ACER3: variants seen among roughly 807,000 people sequenced by gnomAD.
The protein encoded by ACER3 is alkCDase 3.
ACER3 carries 16 observed loss-of-function variants against 48.9 expected under a neutral mutation model. The ratio of observed to expected loss-of-function variants is 0.33; its 90% CI spans 0.22 to 0.50. The LOEUF is 0.50. Among genes scored for constraint, ACER3 ranks in the 20% least tolerant of loss-of-function variants. The probability of loss-of-function intolerance (pLI) is 0.98; values close to 1 mark genes in which losing one functional copy is unlikely to be tolerated. For missense variants in ACER3, 227 were observed against 326.0 expected (o/e 0.70, Z 2.34); for synonymous variants, 109 against 107.8 (o/e 1.01, Z -0.07).
intron 3 of ACER3, among the ~76,000 whole-genome samples, chr11:76,959,611 G>A (rs1038756326): frequency 2.0e-5 from 3 of 151,748 alleles, no homozygotes; most frequent in African/African-American, 7.3e-5. Context: ...GGAGTGCAGT[G>A]GTGCAATCTT....
intron 7 of ACER3, among the ~76,000 whole-genome samples, chr11:77,008,891 T>C (rs1051533346): frequency 2.0e-5 from 3 of 151,966 alleles, no homozygotes; most frequent in Non-Finnish European, 4.4e-5. Flanking sequence ...ACCTAGTCTA[T>C]ACAAAAAGAA....
At position 76,985,737 on chromosome 11, in the gene ACER3, T is replaced by C; in HGVS notation, c.402+13T>C. ...AATAGTAACCACAGTAAGTCATATT[T>C]TGTTTCTAACAGATTAAGCATGTAA... is the stretch of plus-strand genomic sequence containing the variant. On this transcript the variant is annotated intron_variant, in intron 5 of 10. Coordinates refer to ENST00000532485, the MANE Select transcript of ACER3 (RefSeq NM_018367.7). 6.9e-7 allele frequency: 1 copy of C among 1,459,618 alleles called. No homozygotes were observed. 90.4% of individuals were successfully genotyped at this position (1,459,618 alleles called of 1,614,324 possible). A position where few individuals can be genotyped will look rare whatever the true frequency, so the allele number is the denominator to read the frequency against.
intron 1 of ACER3, chr11:76,868,282 C>T: frequency 7.8e-7 from 1 of 1,276,660 alleles, no homozygotes; most frequent in South Asian, 1.3e-5. Context: ...GCAGCACTGC[C>T]TCCAAATTAT....
chr11:76,950,411 A>ATATATAT lies in ACER3; in HGVS notation c.215-8568_215-8567insTATATAT, dbSNP rs1277575730. 4.4e-4 allele frequency among the ~76,000 whole-genome samples: 10 copies of ATATATAT among 22,812 alleles called. 4 individuals are homozygous for ATATATAT. The highest frequency in any genetic ancestry group is 1.1e-3 in the Admixed American group (2 of 1,748). The allele number at this position is 22,812 out of a possible 152,430, so 15.0% of individuals were successfully genotyped here. A position where few individuals can be genotyped will look rare whatever the true frequency, so the allele number is the denominator to read the frequency against. ...TATATATATATATATATATATATATAATTTACACATGTAAGTGTGTGTATG... is the reference window on the plus strand; with the variant it reads ...TATATATATATATATATATATATATATATATATATTTACACATGTAAGTGTGTGTATG... On this transcript the variant is annotated intron_variant, in intron 2 of 10. Coordinates refer to ENST00000532485, the MANE Select transcript of ACER3 (RefSeq NM_018367.7).
intron 1 of ACER3, among the ~76,000 whole-genome samples, chr11:76,904,062 C>T (rs370188060): frequency 2.0e-5 from 3 of 152,162 alleles, no homozygotes; most frequent in Non-Finnish European, 4.4e-5. Flanking sequence ...TTTTGGCTCA[C>T]TGCAACCTCA....
At chr11:76,959,345 A>G in intron 3 of ACER3, 1 of 716,588 alleles carries the variant, frequency 1.4e-6, no homozygotes, top group Non-Finnish European at 2.0e-6. Context: ...AGAACAATAT[A>G]TTCTTATTCT....
intron 1 of ACER3, among the ~76,000 whole-genome samples, chr11:76,909,729 A>G (rs1946321782): frequency 6.6e-6 from 1 of 152,212 alleles, no homozygotes; most frequent in Non-Finnish European, 1.5e-5. Context: ...TCAAGGATCT[A>G]GAACCAGAAA....
intron 1 of ACER3, among the ~76,000 whole-genome samples, chr11:76,892,892 C>T (rs370852697): frequency 2.0e-5 from 3 of 152,152 alleles, no homozygotes; most frequent in East Asian, 3.9e-4. Flanking sequence ...TTGTGGATGA[C>T]GTGACCTTTA....
chr11:76,902,058 T>C (rs78183822), intron 1 of ACER3, among the ~76,000 whole-genome samples: 1 of 147,254 alleles, frequency 6.8e-6, no homozygotes, highest in South Asian at 2.2e-4. Context: ...ATTTTTTTTT[T>C]CCAGAATAGG....
chr11:76,919,370 T>C (rs1946625688), intron 1 of ACER3, among the ~76,000 whole-genome samples: 1 of 152,184 alleles, frequency 6.6e-6, no homozygotes, highest in Non-Finnish European at 1.5e-5. Flanking sequence ...TTCCCCAAAC[T>C]TTGTTTCTCA....
At chr11:76,877,547 T>C (rs1462997452) in intron 1 of ACER3, among the ~76,000 whole-genome samples, 2 of 152,060 alleles carry the variant, frequency 1.3e-5, no homozygotes, top group Non-Finnish European at 2.9e-5. Flanking sequence ...TTTAAGCAGA[T>C]ATGAGGGCAA....
chr11:77,002,105 G>A (rs1352435403), intron 7 of ACER3, among the ~76,000 whole-genome samples: 3 of 151,828 alleles, frequency 2.0e-5, no homozygotes, highest in Non-Finnish European at 4.4e-5. Flanking sequence ...ATTAGATTAG[G>A]GCCTGCCCTA....
chr11:77,010,163 A>AAATAATAAT (rs59504202), intron 7 of ACER3, among the ~76,000 whole-genome samples: 2,011 of 146,436 alleles, frequency 0.014, 25 homozygotes, highest in African/African-American at 0.032. Context: ...TCTCTACCAG[A>AAATAATAAT]AATAATAATA....
chr11:76,923,528 C>A (rs1946739621), intron 1 of ACER3, among the ~76,000 whole-genome samples: 1 of 152,114 alleles, frequency 6.6e-6, no homozygotes, highest in African/African-American at 2.4e-5. Flanking sequence ...GCCTGGTAAT[C>A]TTTGATTGAA....
At chr11:76,880,427 G>A (rs1281620590) in intron 1 of ACER3, among the ~76,000 whole-genome samples, 2 of 152,180 alleles carry the variant, frequency 1.3e-5, no homozygotes, top group East Asian at 3.8e-4. Flanking sequence ...CACTAGCTGG[G>A]TATCTTTCAA....
chr11:77,005,219 G>T (rs1448338177), intron 7 of ACER3, among the ~76,000 whole-genome samples: 1 of 151,908 alleles, frequency 6.6e-6, no homozygotes, highest in African/African-American at 2.4e-5. Context: ...TGTATTTTTA[G>T]TAGAGACGGG....
Position 76,985,724 on chromosome 11 carries a change from A to G in ACER3, c.402A>G (p.Thr134=), listed in dbSNP as rs145982324. ...TLVLFSLIVT[T]VYLKVKEPIF... ...TTCTATTCAGTTTAATAGTAACCAC[A>G]GTAAGTCATATTTTGTTTCTAACAG... The change falls in exon 5 of 11, where the codon ACA becomes ACG. Residue 134 remains threonine, a splice_region_variant and synonymous_variant. Coordinates refer to ENST00000532485, the MANE Select transcript of ACER3 (RefSeq NM_018367.7). 42 of 1,499,738 alleles carry G rather than the reference A, an allele frequency of 2.8e-5. No individual in the cohort carries two copies. In the Middle Eastern group the frequency reaches 5.3e-4, roughly 19 times the overall value. The allele number at this position is 1,499,738 out of a possible 1,614,324, so 92.9% of individuals were successfully genotyped here. A position where few individuals can be genotyped will look rare whatever the true frequency, so the allele number is the denominator to read the frequency against.
chr11:76,967,509 T>C (rs1948170245), intron 3 of ACER3, among the ~76,000 whole-genome samples: 1 of 151,876 alleles, frequency 6.6e-6, no homozygotes, highest in Admixed American at 6.6e-5. Flanking sequence ...TTTAGACCAA[T>C]ATCCTTGATG....
rs190525560 is a variant in ACER3 at position 76,943,072 on chromosome 11, G to T, written c.215-15907G>T. 1.7e-3 allele frequency among the ~76,000 whole-genome samples: 251 copies of T among 151,868 alleles called. 1 individual carries two copies. Among genetic ancestry groups the T allele is most frequent in the Middle Eastern group, 0.014 (4 of 294 alleles). On this transcript the variant is annotated intron_variant, in intron 2 of 10. Coordinates refer to ENST00000532485, the MANE Select transcript of ACER3 (RefSeq NM_018367.7). The stretch of plus-strand genomic sequence containing the variant: ...TTTGGATCTTCTCTCTTCTTGGTTA[G>T]TCTAGCTAGTGGTTTATCAATCTTG...
Sources: gnomAD v4.1 joint callset for allele counts (sites outside exome capture counted in the v4.1 genomes callset) on GRCh38, gnomAD v4.1.1 for gene constraint, MANE v1.5 for transcripts, NCBI Gene and HGNC (gene_info 2026-07-23, HGNC 2026-07-21) for gene names.